Variants in IGF2BP2 observed in about 807,000 individuals in gnomAD.
IGF2BP2 encodes the protein insulin like growth factor 2 mRNA binding protein 2.
Under a neutral mutation model 75.8 loss-of-function variants are expected in IGF2BP2, and 17 were observed. That is an observed-to-expected ratio of 0.22 (90% CI 0.15 to 0.34). The LOEUF (loss-of-function observed/expected upper bound fraction) is 0.34, where lower values mean the gene tolerates loss of function less well. Ranked by LOEUF, IGF2BP2 falls within the 10% of genes least tolerant of loss-of-function variation. The probability of loss-of-function intolerance (pLI) is 1.00; values close to 1 mark genes in which losing one functional copy is unlikely to be tolerated. For synonymous variants in IGF2BP2, 288 were observed against 295.6 expected, an observed-to-expected ratio of 0.97 and a Z score of 0.26; for missense variants, 516 against 772.4, an observed-to-expected ratio of 0.67 and a Z score of 3.93.
chr3:185,685,073 C>T (rs1427847900), intron 7 of IGF2BP2, among the ~76,000 whole-genome samples: 2 of 152,018 alleles, frequency 1.3e-5, no homozygotes, highest in Admixed American at 6.5e-5. Context: ...GGTGGCTGGG[C>T]GCAGTGGCTC....
intron 14 of IGF2BP2, 135 bp downstream of exon 14, chr3:185,649,268 G>A (rs1714143993): frequency 1.7e-6 from 2 of 1,182,126 alleles, no homozygotes; most frequent in South Asian, 3.0e-5. Flanking sequence ...GATGCCAGGA[G>A]AGCCTTAGTT....
At chr3:185,728,904 T>C (rs945516586) in intron 2 of IGF2BP2, 1 of 152,204 alleles carries the variant, frequency 6.6e-6, no homozygotes, top group Non-Finnish European at 1.5e-5. Context: ...ACCAAGATGT[T>C]ATTTGCCTTG....
At chr3:185,740,938 C>T (rs1281716659) in intron 2 of IGF2BP2, among the ~76,000 whole-genome samples, 1 of 152,154 alleles carries the variant, frequency 6.6e-6, no homozygotes, top group African/African-American at 2.4e-5. Flanking sequence ...AGTGCGGTGG[C>T]GCGATCTCGG....
At chr3:185,823,902 G>C (rs1741690601) in intron 1 of IGF2BP2, among the ~76,000 whole-genome samples, 1 of 151,696 alleles carries the variant, frequency 6.6e-6, no homozygotes, top group South Asian at 2.1e-4. Flanking sequence ...TCCTGTCTGG[G>C]CTCCAGCGCG....
chr3:185,653,971 G>A (rs565681867), intron 12 of IGF2BP2, among the ~76,000 whole-genome samples: 1 of 152,310 alleles, frequency 6.6e-6, no homozygotes, highest in South Asian at 2.1e-4. Context: ...ACCTCCAGAA[G>A]GTTCAATTTT....
chr3:185,696,623 T>G lies in IGF2BP2; in HGVS notation c.329A>C (p.Asn110Thr), dbSNP rs761243059. The G allele has an allele frequency of 6.2e-6, 10 of 1,613,754 alleles. No individual in the cohort carries two copies. In the African/African-American group the frequency reaches 1.2e-4, roughly 19 times the overall value. Residue 110 changes from asparagine (N) to threonine (T), a missense_variant, in exon 4 of 16, where the codon AAT (asparagine) becomes ACT (threonine). Asn to Thr is a moderately conservative substitution (Grantham distance 65). Around this residue, in one of 3 missense-constraint regions of IGF2BP2, gnomAD observed 312 missense variants for 474.5 expected, o/e 0.66. Coordinates refer to ENST00000382199, the MANE Select transcript of IGF2BP2 (RefSeq NM_006548.6). ...GLLAQYGTVE[N>T]VEQVNTDTET... Reference sequence around the variant, plus strand: ...TCCTCACTTATTACCTTGTTCCACATTCTCCACTGTCCCATATTGAGCCAA... The same window carrying G: ...TCCTCACTTATTACCTTGTTCCACAGTCTCCACTGTCCCATATTGAGCCAA...
intron 2 of IGF2BP2, among the ~76,000 whole-genome samples, chr3:185,720,547 G>A (rs1469698245): frequency 2.6e-5 from 4 of 152,180 alleles, no homozygotes; most frequent in Admixed American, 2.0e-4. Flanking sequence ...GGTGAGCCAG[G>A]GGAGCCCTCT....
At chr3:185,785,250 G>A (rs1560466198) in intron 2 of IGF2BP2, among the ~76,000 whole-genome samples, 3 of 149,786 alleles carry the variant, frequency 2.0e-5, no homozygotes, top group South Asian at 2.1e-4. Context: ...GTAGTGAGCC[G>A]AGATCACGCC....
chr3:185,649,291 A>G (rs530283113), intron 14 of IGF2BP2, 112 bp downstream of exon 14: 4 of 1,386,074 alleles, frequency 2.9e-6, no homozygotes, highest in Non-Finnish European at 4.0e-6. Flanking sequence ...TCTGCCAAAG[A>G]CCCTGACTGT....
Position 185,673,228 on chromosome 3 carries a change from T to C in IGF2BP2, c.1072-559A>G, listed in dbSNP as rs139921523. ...GTGAATAGCCTGTTTAGTTACCTCTTCCCCTTTCAGACTAGAATTTCCTTG... is the reference window on the plus strand; with the variant it reads ...GTGAATAGCCTGTTTAGTTACCTCTCCCCCTTTCAGACTAGAATTTCCTTG... On this transcript the variant is annotated intron_variant, in intron 9 of 15. Coordinates refer to ENST00000382199, the MANE Select transcript of IGF2BP2 (RefSeq NM_006548.6). 1.2e-4 allele frequency among the ~76,000 whole-genome samples: 19 copies of C among 152,328 alleles called. No individual in the cohort carries two copies. The South Asian group carries it at 1.9e-3, about 15-fold the overall frequency.
At chr3:185,716,904 GCT>G in intron 2 of IGF2BP2, 1 of 466,024 alleles carries the variant, frequency 2.1e-6, no homozygotes, top group Non-Finnish European at 4.2e-6. Context: ...CTGTTGTAAC[GCT>G]CTGTTTACAT....
chr3:185,705,221 T>C (rs1331305103), intron 2 of IGF2BP2, among the ~76,000 whole-genome samples: 1 of 152,186 alleles, frequency 6.6e-6, no homozygotes, highest in African/African-American at 2.4e-5. Context: ...CTCAGCCTCC[T>C]GAGTAGCTGG....
chr3:185,760,320 GT>G (rs902468125), intron 2 of IGF2BP2, among the ~76,000 whole-genome samples: 7 of 151,144 alleles, frequency 4.6e-5, no homozygotes, highest in Non-Finnish European at 5.9e-5. Flanking sequence ...AGACTCATCA[GT>G]TTTTTTTTCC....
chr3:185,778,113 A>G lies in IGF2BP2; in HGVS notation c.239+45040T>C, dbSNP rs772064675. Among the ~76,000 whole-genome samples, 14 of 152,078 alleles carry G rather than the reference A, an allele frequency of 9.2e-5. 1 individual carries two copies. Among genetic ancestry groups the G allele is most frequent in the Admixed American group, 2.6e-4 (4 of 15,258 alleles). On this transcript the variant is annotated intron_variant, in intron 2 of 15. Coordinates refer to ENST00000382199, the MANE Select transcript of IGF2BP2 (RefSeq NM_006548.6). ...TTGTACTACCATCTACTTTCATTTT[A>G]CAGTAATTTATATTCATTCATTCAT...
At chr3:185,678,345 G>C (rs1719864353) in intron 7 of IGF2BP2, among the ~76,000 whole-genome samples, 1 of 152,106 alleles carries the variant, frequency 6.6e-6, no homozygotes, top group Non-Finnish European at 1.5e-5. Context: ...CACCATGTGT[G>C]GTAAAACTGT....
intron 2 of IGF2BP2, among the ~76,000 whole-genome samples, chr3:185,813,537 C>G (rs1740192776): frequency 6.6e-6 from 1 of 152,170 alleles, no homozygotes; most frequent in African/African-American, 2.4e-5. Context: ...TATGTATCCA[C>G]AACATTATTT....
At chr3:185,650,472 T>C (rs1037598995) in intron 13 of IGF2BP2, among the ~76,000 whole-genome samples, 5 of 150,738 alleles carry the variant, frequency 3.3e-5, no homozygotes, top group African/African-American at 1.2e-4. Flanking sequence ...AGGCCAGGAG[T>C]TCAAGATCAG....
Position 185,652,115 on chromosome 3 carries a change from C to T in IGF2BP2, c.1440G>A (p.Gly480=), listed in dbSNP as rs749215053. The change falls in exon 13 of 16, where the codon GGG becomes GGA. Residue 480 remains glycine (G), a synonymous_variant. Transcript: ENST00000382199. ...DVSERMVIIT[G]PPEAQFKAQG... is the part of the protein sequence containing the mutation. The stretch of plus-strand genomic sequence containing the variant: ...TAACCTTGAACTGGGCTTCCGGTGG[C>T]CCGGTGATGATGACCATCCTTTCGC... 1.9e-6 allele frequency: 3 copies of T among 1,612,684 alleles called. No homozygotes were observed. The African/African-American group carries it at 4.0e-5, about 22-fold the overall frequency.
In IGF2BP2 at chr3:185,658,643, TTCA is replaced by T. The variant is rs1715874170; in HGVS notation, c.1201-237_1201-235del. The stretch of plus-strand genomic sequence containing the variant: ...TTGCAGTAGCTCTCTGGGCTAAATG[TTCA>T]TCATTTCTAAGCTGAGTCATGCCTG... On this transcript the variant is annotated intron_variant, in intron 10 of 15. Coordinates refer to ENST00000382199, the MANE Select transcript of IGF2BP2 (RefSeq NM_006548.6). Among the ~76,000 whole-genome samples, 6 of 152,342 alleles carry T rather than the reference TTCA, an allele frequency of 3.9e-5. No individual in the cohort carries two copies. The South Asian group carries it at 1.2e-3, about 32-fold the overall frequency.
Sources: allele counts gnomAD v4.1 joint callset (sites outside exome capture counted in the v4.1 genomes callset), GRCh38; gene constraint gnomAD v4.1.1; regional missense constraint gnomAD v4.1.1; transcripts MANE v1.5; gene names NCBI Gene and HGNC (gene_info 2026-07-23, HGNC 2026-07-21).